Variants in LRP12 observed in about 807,000 individuals in gnomAD.
The protein encoded by LRP12 is LDL receptor related protein 12.
LRP12 carries 14 observed loss-of-function variants against 66.0 expected under a neutral mutation model. The ratio of observed to expected loss-of-function variants is 0.21; its 90% CI spans 0.14 to 0.33. The LOEUF is 0.33. Among genes scored for constraint, LRP12 ranks in the 10% least tolerant of loss-of-function variants. The pLI, the probability that LRP12 is intolerant of heterozygous loss-of-function variation, is 1.00. For missense variants in LRP12, 889 were observed against 1,053.4 expected (o/e 0.84, Z 2.16); for synonymous variants, 357 against 359.1 (o/e 0.99, Z 0.07).
rs182366104 is a variant in LRP12, at chr8:104,583,083, A to G, written c.79+5736T>C. The stretch of plus-strand genomic sequence containing the variant: ...TACTACCTTGGTCCAAGCTCCTGTT[A>G]TCTCTCACCTGGATTACAGCCAAAA... On this transcript the variant is annotated intron_variant, in intron 1 of 6. Coordinates refer to ENST00000276654, the MANE Select transcript of LRP12 (RefSeq NM_013437.5). Among the ~76,000 whole-genome samples, 11 of 152,178 alleles carry G rather than the reference A, an allele frequency of 7.2e-5. No homozygotes were observed. In the East Asian group the frequency reaches 2.1e-3, roughly 29 times the overall value.
chr8:104,513,988 T>C (rs1324165463), intron 2 of LRP12, among the ~76,000 whole-genome samples: 1 of 152,164 alleles, frequency 6.6e-6, no homozygotes, highest in Non-Finnish European at 1.5e-5. Flanking sequence ...TGAATCTACA[T>C]CATCTCAGGC....
intron 2 of LRP12, among the ~76,000 whole-genome samples, chr8:104,519,234 G>A (rs1255055586): frequency 1.3e-5 from 2 of 152,002 alleles, no homozygotes; most frequent in African/African-American, 4.8e-5. Flanking sequence ...GCCAAGCTGC[G>A]TTATAATGTG....
intron 1 of LRP12, among the ~76,000 whole-genome samples, chr8:104,549,126 C>G (rs963710108): frequency 1.3e-5 from 2 of 152,048 alleles, no homozygotes; most frequent in African/African-American, 4.8e-5. Flanking sequence ...AATATACATT[C>G]AAGTAATTCC....
At chr8:104,561,442 T>C (rs996660124) in intron 1 of LRP12, among the ~76,000 whole-genome samples, 9 of 152,230 alleles carry the variant, frequency 5.9e-5, no homozygotes, top group African/African-American at 1.9e-4. Flanking sequence ...CATCCACTGA[T>C]GATCACAGCC....
intron 3 of LRP12, 38 bp downstream of exon 3, chr8:104,508,901 G>A (rs747551610): frequency 6.6e-7 from 1 of 1,520,116 alleles, no homozygotes; most frequent in African/African-American, 1.4e-5. Flanking sequence ...TTTATGTTTT[G>A]TAATAAATTA....
chr8:104,529,604 T>G (rs1811295452), intron 2 of LRP12, among the ~76,000 whole-genome samples: 1 of 152,146 alleles, frequency 6.6e-6, no homozygotes, highest in Admixed American at 6.5e-5. Context: ...GTACTATATC[T>G]ATCTAAATTT....
intron 3 of LRP12, among the ~76,000 whole-genome samples, chr8:104,502,559 G>A (rs1361973046): frequency 2.6e-5 from 4 of 152,176 alleles, no homozygotes; most frequent in Non-Finnish European, 4.4e-5. Flanking sequence ...ATCTGCTTGA[G>A]TTCCAGTCAC....
At chr8:104,533,529 A>ATT (rs1291474143) in intron 1 of LRP12, among the ~76,000 whole-genome samples, 1 of 152,108 alleles carries the variant, frequency 6.6e-6, no homozygotes, top group African/African-American at 2.4e-5. Flanking sequence ...CTATATGCAC[A>ATT]TTAAAGTTTA....
Position 104,489,938 on chromosome 8 carries a change from CCA to C in LRP12, c.*733_*734del, listed in dbSNP as rs905713961. ...TTAATGCATAGTAGAATATCTTCAT[CCA>C]CTTAATTCTGTTGCTAAATAGAGAT... On this transcript the variant is annotated 3_prime_UTR_variant, in exon 7 of 7. Transcript: ENST00000276654. 1.3e-5 allele frequency: 2 copies of C among 152,600 alleles called. No homozygotes were observed. The highest frequency in any genetic ancestry group is 2.9e-5 in the Non-Finnish European group (2 of 68,018). 9.5% of individuals were successfully genotyped at this position (152,600 alleles called of 1,614,324 possible).
intron 1 of LRP12, among the ~76,000 whole-genome samples, chr8:104,535,825 T>C (rs1447077367): frequency 6.6e-6 from 1 of 152,060 alleles, no homozygotes; most frequent in African/African-American, 2.4e-5. Flanking sequence ...TGTTCCTTAC[T>C]TTTTTTAAAA....
chr8:104,561,299 C>A (rs572851752), intron 1 of LRP12, among the ~76,000 whole-genome samples: 1 of 152,276 alleles, frequency 6.6e-6, no homozygotes, highest in South Asian at 2.1e-4. Flanking sequence ...ATGTTTCATA[C>A]GTATGACAGA....
At chr8:104,547,225 ATATTTTGTATATAATATACAATTC>A in intron 1 of LRP12, among the ~76,000 whole-genome samples, 1 of 136,116 alleles carries the variant, frequency 7.3e-6, no homozygotes, top group African/African-American at 2.8e-5. Flanking sequence ...CAATTCTGTT[ATATTTTGTATATAATATACAATTC>A]TGTTATATCA....
At chr8:104,523,659 A>G (rs1811183324) in intron 2 of LRP12, among the ~76,000 whole-genome samples, 2 of 152,130 alleles carry the variant, frequency 1.3e-5, no homozygotes, top group Non-Finnish European at 2.9e-5. Flanking sequence ...TTAGTGCAAT[A>G]CCATAAACCC....
chr8:104,522,979 TC>T (rs2140854934), intron 2 of LRP12, among the ~76,000 whole-genome samples: 1 of 152,274 alleles, frequency 6.6e-6, no homozygotes, highest in African/African-American at 2.4e-5. Flanking sequence ...AATTAGTACA[TC>T]CTTTTTGGAA....
chr8:104,516,706 A>G (rs1183403023), intron 2 of LRP12, among the ~76,000 whole-genome samples: 1 of 152,104 alleles, frequency 6.6e-6, no homozygotes, highest in Admixed American at 6.6e-5. Context: ...ATTTAAATCA[A>G]TTATTTAAAA....
intron 1 of LRP12, among the ~76,000 whole-genome samples, chr8:104,586,389 T>TTA (rs1445078225): frequency 1.3e-5 from 2 of 152,222 alleles, no homozygotes; most frequent in African/African-American, 4.8e-5. Flanking sequence ...GAAGAATTAA[T>TTA]ATTGGAGTTC....
intron 2 of LRP12, among the ~76,000 whole-genome samples, chr8:104,526,711 C>T: frequency 6.7e-6 from 1 of 148,186 alleles, no homozygotes; most frequent in Non-Finnish European, 1.5e-5. Context: ...AAACGTTAGA[C>T]CTAAAACCAG....
intron 1 of LRP12, among the ~76,000 whole-genome samples, chr8:104,546,072 T>C (rs1388070520): frequency 4.6e-5 from 7 of 152,162 alleles, no homozygotes; most frequent in African/African-American, 1.7e-4. Context: ...TTCTTTCTTG[T>C]TTCCCAGTGG....
chr8:104,559,172 C>T (rs1564144991), intron 1 of LRP12, among the ~76,000 whole-genome samples: 1 of 152,064 alleles, frequency 6.6e-6, no homozygotes, highest in Non-Finnish European at 1.5e-5. Context: ...TATAGCAGTA[C>T]AATTCACAAT....
Sources: gnomAD v4.1 joint callset for allele counts (sites outside exome capture counted in the v4.1 genomes callset) on GRCh38, gnomAD v4.1.1 for gene constraint, MANE v1.5 for transcripts, NCBI Gene and HGNC (gene_info 2026-07-23, HGNC 2026-07-21) for gene names.